The following SMAP1 variants were observed in gnomAD, a reference collection of about 807,000 sequenced individuals.
SMAP1 encodes the protein small ArfGAP 1.
SMAP1 carries 24 observed loss-of-function variants against 58.5 expected under a neutral mutation model. The ratio of observed to expected loss-of-function variants is 0.41; its 90% confidence interval spans 0.30 to 0.58. The LOEUF is 0.58. Ranked by LOEUF, SMAP1 falls within the 20% of genes least tolerant of loss-of-function variation. The pLI is 0.29. For missense variants in SMAP1, 563 were observed against 566.3 expected (o/e 0.99, Z 0.06); for synonymous variants, 216 against 196.6 (o/e 1.10, Z -0.82).
intron 3 of SMAP1, among the ~76,000 whole-genome samples, chr6:70,770,802 T>C (rs1211497240): frequency 6.6e-6 from 1 of 152,212 alleles, no homozygotes; most frequent in Non-Finnish European, 1.5e-5. Context: ...GGAGCTGCGT[T>C]CCTTTGGAGG....
intron 6 of SMAP1, among the ~76,000 whole-genome samples, chr6:70,835,415 TAAC>T (rs767383545): frequency 2.0e-5 from 3 of 152,220 alleles, no homozygotes; most frequent in Non-Finnish European, 4.4e-5. Flanking sequence ...TGAACTCATG[TAAC>T]AACTAAGTTG....
At chr6:70,735,167 A>G (rs1765573562) in intron 2 of SMAP1, among the ~76,000 whole-genome samples, 1 of 152,180 alleles carries the variant, frequency 6.6e-6, no homozygotes, top group Non-Finnish European at 1.5e-5. Flanking sequence ...TACAGAGAGA[A>G]CAGTTCACAG....
intron 6 of SMAP1, among the ~76,000 whole-genome samples, chr6:70,825,699 T>C (rs1455955626): frequency 6.6e-6 from 1 of 152,160 alleles, no homozygotes; most frequent in African/African-American, 2.4e-5. Flanking sequence ...AGTTAAAGGC[T>C]CTAAGTATAA....
At chr6:70,824,532 A>C (rs1770032259) in intron 6 of SMAP1, among the ~76,000 whole-genome samples, 1 of 152,154 alleles carries the variant, frequency 6.6e-6, no homozygotes, top group South Asian at 2.1e-4. Context: ...TAAATCAAGA[A>C]AAATTAAAAT....
At chr6:70,803,468 G>T (rs1238188628) in intron 6 of SMAP1, among the ~76,000 whole-genome samples, 1 of 151,912 alleles carries the variant, frequency 6.6e-6, no homozygotes, top group Non-Finnish European at 1.5e-5. Context: ...TGATTTTTTT[G>T]AAGGTTTTTT....
Position 70,701,678 on chromosome 6 carries a change from G to A in SMAP1, c.119-30700G>A, listed in dbSNP as rs188314861. Among the ~76,000 whole-genome samples, 225 of 152,214 alleles carry A rather than the reference G, an allele frequency of 1.5e-3. 1 individual carries two copies. The highest frequency in any genetic ancestry group is 3.9e-3 in the Admixed American group (60 of 15,282). On this transcript the variant is annotated intron_variant, in intron 1 of 10. Coordinates refer to ENST00000370455, the MANE Select transcript of SMAP1 (RefSeq NM_001044305.3). ...CAATGCCAAGTCCCACAATCACTGC[G>A]TTCTCCCTTCCCCAAGCACACATTC...
intron 2 of SMAP1, among the ~76,000 whole-genome samples, chr6:70,747,740 A>C (rs1182720900): frequency 2.0e-5 from 3 of 152,224 alleles, no homozygotes; most frequent in African/African-American, 7.2e-5. Context: ...TAGAGATGAC[A>C]GAAGAGTGTA....
At position 70,742,227 on chromosome 6, in the gene SMAP1, A is replaced by G. The variant is rs1765845158; in HGVS notation, c.252+9716A>G. 2.0e-5 allele frequency among the ~76,000 whole-genome samples: 3 copies of G among 152,196 alleles called. No individual in the cohort carries two copies. The South Asian group carries it at 6.2e-4, about 31-fold the overall frequency. ...TTTTTCTTTCCTATCGCATCATCAG[A>G]CTGCAAATTTTCCAAACTTTTAGGC... On this transcript the variant is annotated intron_variant, in intron 2 of 10. Coordinates refer to ENST00000370455, the MANE Select transcript of SMAP1 (RefSeq NM_001044305.3).
In SMAP1 at chr6:70,860,980, T is replaced by C. The variant is rs1182124065; in HGVS notation, c.*646T>C. On this transcript the variant is annotated 3_prime_UTR_variant, in exon 11 of 11. Coordinates refer to ENST00000370455, the MANE Select transcript of SMAP1 (RefSeq NM_001044305.3). ...TTGTAATTTGGATCTCTTCTTAATGTACATAGTGCTAACATGAAGACCTTT... is the reference window on the plus strand; with the variant it reads ...TTGTAATTTGGATCTCTTCTTAATGCACATAGTGCTAACATGAAGACCTTT... 1.8e-5 allele frequency: 6 copies of C among 329,066 alleles called. No homozygotes were observed. In the East Asian group the frequency reaches 2.7e-4, roughly 15 times the overall value. The allele number at this position is 329,066 out of a possible 1,614,324, so 20.4% of individuals were successfully genotyped here. A position where few individuals can be genotyped will look rare whatever the true frequency, so the allele number is the denominator to read the frequency against.
intron 4 of SMAP1, among the ~76,000 whole-genome samples, chr6:70,773,929 A>T (rs1170308668): frequency 6.6e-6 from 1 of 152,208 alleles, no homozygotes. Flanking sequence ...GGTACCCATA[A>T]CAAGGTTTCA....
At chr6:70,834,595 A>G (rs1770494298) in intron 6 of SMAP1, among the ~76,000 whole-genome samples, 1 of 152,168 alleles carries the variant, frequency 6.6e-6, no homozygotes, top group Non-Finnish European at 1.5e-5. Context: ...ACTTTAAGAC[A>G]CTCTTCAGAG....
intron 2 of SMAP1, among the ~76,000 whole-genome samples, chr6:70,736,029 C>A (rs1050075015): frequency 6.6e-6 from 1 of 151,780 alleles, no homozygotes; most frequent in African/African-American, 2.4e-5. Flanking sequence ...GTGTATAATT[C>A]TGTAAAATGT....
rs552254940 is a variant in SMAP1 at position 70,787,496 on chromosome 6, A to G, written c.415-4193A>G. On this transcript the variant is annotated intron_variant, in intron 4 of 10. Transcript: ENST00000370455. ...CTTCTGCACAGCAAAAGAAACTACCATCAGAGTGAACAGGCAACCTACAAA... is the reference window on the plus strand; with the variant it reads ...CTTCTGCACAGCAAAAGAAACTACCGTCAGAGTGAACAGGCAACCTACAAA... Among the ~76,000 whole-genome samples, 28 of 152,222 alleles carry G rather than the reference A, an allele frequency of 1.8e-4. No homozygotes were observed. In the East Asian group the frequency reaches 3.3e-3, roughly 18 times the overall value.
At chr6:70,692,565 C>A (rs1373879528) in intron 1 of SMAP1, among the ~76,000 whole-genome samples, 1 of 152,156 alleles carries the variant, frequency 6.6e-6, no homozygotes, top group Admixed American at 6.5e-5. Context: ...AGATTTAAGC[C>A]TTTAATCTAT....
chr6:70,822,339 T>C (rs191327151), intron 6 of SMAP1, among the ~76,000 whole-genome samples: 2 of 152,288 alleles, frequency 1.3e-5, no homozygotes, highest in Admixed American at 1.3e-4. Flanking sequence ...TTATATCAGG[T>C]TGATACCATT....
intron 1 of SMAP1, among the ~76,000 whole-genome samples, chr6:70,728,876 C>T (rs922085784): frequency 1.3e-5 from 2 of 152,110 alleles, no homozygotes; most frequent in Admixed American, 1.3e-4. Flanking sequence ...GGATGAGCTC[C>T]CTCCCTTTTG....
intron 6 of SMAP1, among the ~76,000 whole-genome samples, chr6:70,816,651 A>G (rs1769641660): frequency 1.3e-5 from 2 of 152,336 alleles, no homozygotes; most frequent in Admixed American, 6.5e-5. Flanking sequence ...CACTGGGGAT[A>G]TAGTAGAAAC....
chr6:70,828,640 G>T (rs1455435738), intron 6 of SMAP1, among the ~76,000 whole-genome samples: 1 of 152,094 alleles, frequency 6.6e-6, no homozygotes, highest in Non-Finnish European at 1.5e-5. Flanking sequence ...AGCTCTAGTT[G>T]GCTATTTATT....
intron 1 of SMAP1, among the ~76,000 whole-genome samples, chr6:70,729,459 TTG>T (rs35058846): frequency 0.023 from 2,919 of 128,132 alleles, 33 homozygotes; most frequent in Non-Finnish European, 0.025. Context: ...AAAAAGAAGG[TTG>T]TGTGTGTGTG....
Sources: allele counts gnomAD v4.1 joint callset (sites outside exome capture counted in the v4.1 genomes callset), GRCh38; gene constraint gnomAD v4.1.1; transcripts MANE v1.5; gene names NCBI Gene and HGNC (gene_info 2026-07-23, HGNC 2026-07-21).